The following SLC25A21 variants were observed in gnomAD, a reference collection of about 807,000 sequenced individuals.
SLC25A21 encodes the protein solute carrier family 25 member 21, also known as mitochondrial 2-oxodicarboxylate carrier.
In SLC25A21, 47 loss-of-function variants were observed where a neutral mutation model predicts 43.8. That is an observed-to-expected ratio of 1.07 (90% CI 0.85 to 1.37). The LOEUF (loss-of-function observed/expected upper bound fraction) is 1.37. Ranked by LOEUF, SLC25A21 falls within the 40% of genes most tolerant of loss-of-function variation. The pLI is 0.00. For synonymous variants in SLC25A21, 131 were observed against 121.3 expected, an observed-to-expected ratio of 1.08 and a Z score of -0.52; for missense variants, 352 against 350.2, an observed-to-expected ratio of 1.00 and a Z score of -0.04.
chr14:36,934,528 C>T lies in SLC25A21; in HGVS notation c.71-59524G>A, dbSNP rs114260400. Among the ~76,000 whole-genome samples, 1,095 of 150,910 alleles carry T rather than the reference C, an allele frequency of 7.3e-3. 16 individuals carry two copies. Among genetic ancestry groups the T allele is most frequent in the African/African-American group, 0.025 (1,011 of 41,124 alleles). On this transcript the variant is annotated intron_variant, in intron 1 of 9. Coordinates refer to ENST00000331299, the MANE Select transcript of SLC25A21 (RefSeq NM_030631.4). The stretch of plus-strand genomic sequence containing the variant: ...AATTAACTCTTCATTTATATTAAAG[C>T]TATAAATCACCAGCCACCAAGCACT...
chr14:36,948,284 A>G (rs1892722964), intron 1 of SLC25A21, among the ~76,000 whole-genome samples: 1 of 152,214 alleles, frequency 6.6e-6, no homozygotes, highest in Non-Finnish European at 1.5e-5. Flanking sequence ...AAGTCAGAAA[A>G]CAATAAATTC....
intron 1 of SLC25A21, among the ~76,000 whole-genome samples, chr14:36,963,279 A>G (rs1484442064): frequency 6.6e-6 from 1 of 152,092 alleles, no homozygotes; most frequent in Non-Finnish European, 1.5e-5. Context: ...TTCCTGTTTT[A>G]TTCCCCAAAG....
intron 1 of SLC25A21, among the ~76,000 whole-genome samples, chr14:37,034,627 G>C (rs1487755518): frequency 6.6e-6 from 1 of 152,168 alleles, no homozygotes; most frequent in Non-Finnish European, 1.5e-5. Context: ...TGAGCATCCT[G>C]CATGTCAGCG....
At chr14:37,125,371 C>G (rs924493067) in intron 1 of SLC25A21, among the ~76,000 whole-genome samples, 1 of 152,154 alleles carries the variant, frequency 6.6e-6, no homozygotes, top group Non-Finnish European at 1.5e-5. Context: ...TCCACAAGCC[C>G]CTCGTCTTCC....
At chr14:37,074,894 A>T (rs1371299602) in intron 1 of SLC25A21, among the ~76,000 whole-genome samples, 1 of 152,174 alleles carries the variant, frequency 6.6e-6, no homozygotes, top group Non-Finnish European at 1.5e-5. Flanking sequence ...TGTTTCACTC[A>T]TTCATTACTC....
At chr14:36,945,260 A>AG (rs761852955) in intron 1 of SLC25A21, among the ~76,000 whole-genome samples, 2 of 152,176 alleles carry the variant, frequency 1.3e-5, no homozygotes, top group Non-Finnish European at 2.9e-5. Context: ...CTACAAATGG[A>AG]GGCAGAAATA....
intron 1 of SLC25A21, among the ~76,000 whole-genome samples, chr14:36,995,544 A>T (rs1960353955): frequency 6.6e-6 from 1 of 152,322 alleles, no homozygotes; most frequent in Admixed American, 6.5e-5. Flanking sequence ...ATCTATTAAG[A>T]TTTTACAAAT....
At chr14:36,940,218 G>C (rs1256185706) in intron 1 of SLC25A21, among the ~76,000 whole-genome samples, 2 of 152,012 alleles carry the variant, frequency 1.3e-5, no homozygotes, top group African/African-American at 2.4e-5. Context: ...AACTAAGCTA[G>C]TTTGGAGTTG....
intron 1 of SLC25A21, among the ~76,000 whole-genome samples, chr14:37,080,841 C>A (rs1962372896): frequency 6.6e-6 from 1 of 152,150 alleles, no homozygotes; most frequent in South Asian, 2.1e-4. Flanking sequence ...TTTATGCCAT[C>A]ATTTGCCCTA....
At chr14:36,711,776 A>G (rs1178094270) in intron 6 of SLC25A21, among the ~76,000 whole-genome samples, 1 of 152,240 alleles carries the variant, frequency 6.6e-6, no homozygotes, top group Non-Finnish European at 1.5e-5. Flanking sequence ...CATGTAAGTA[A>G]TTACATCCAA....
intron 3 of SLC25A21, among the ~76,000 whole-genome samples, chr14:36,798,716 G>T (rs1186070247): frequency 6.6e-6 from 1 of 152,054 alleles, no homozygotes; most frequent in African/African-American, 2.4e-5. Flanking sequence ...TTTGTAGCTG[G>T]AATAATGTTG....
At chr14:36,776,182 T>G (rs1157624077) in intron 3 of SLC25A21, among the ~76,000 whole-genome samples, 1 of 151,710 alleles carries the variant, frequency 6.6e-6, no homozygotes, top group Non-Finnish European at 1.5e-5. Context: ...CATCAATTCT[T>G]GAAACTTTGA....
chr14:37,100,177 G>C (rs1226746097), intron 1 of SLC25A21, among the ~76,000 whole-genome samples: 1 of 152,092 alleles, frequency 6.6e-6, no homozygotes, highest in Non-Finnish European at 1.5e-5. Flanking sequence ...TCCAGCCTCA[G>C]CCTCCTGAGT....
chr14:37,159,340 T>C (rs1963901571), intron 1 of SLC25A21, among the ~76,000 whole-genome samples: 2 of 151,994 alleles, frequency 1.3e-5, no homozygotes, highest in Admixed American at 6.6e-5. Flanking sequence ...TGCAAGGCTA[T>C]AGTAACCAAA....
chr14:36,782,916 A>G (rs1162356419), intron 3 of SLC25A21, among the ~76,000 whole-genome samples: 1 of 151,076 alleles, frequency 6.6e-6, no homozygotes, highest in Non-Finnish European at 1.5e-5. Context: ...ACTAACCTGC[A>G]CAATGTGCAC....
intron 1 of SLC25A21, among the ~76,000 whole-genome samples, chr14:36,971,817 A>T (rs1242756228): frequency 6.6e-6 from 1 of 152,162 alleles, no homozygotes; most frequent in African/African-American, 2.4e-5. Flanking sequence ...CTTCTGAGAG[A>T]TTATTTCCTA....
chr14:37,037,590 AT>A (rs33911930), intron 1 of SLC25A21, among the ~76,000 whole-genome samples: 71,150 of 151,558 alleles, frequency 0.47, 19,094 homozygotes, highest in African/African-American at 0.75. Flanking sequence ...TATTTAAAAA[AT>A]TTTTTTCACC....
At chr14:36,922,558 T>C (rs1892011342) in intron 1 of SLC25A21, among the ~76,000 whole-genome samples, 1 of 151,634 alleles carries the variant, frequency 6.6e-6, no homozygotes, top group African/African-American at 2.4e-5. Context: ...TTTTGTTAAA[T>C]TGTTGGCTGC....
intron 1 of SLC25A21, among the ~76,000 whole-genome samples, chr14:36,940,510 A>G (rs1024883255): frequency 1.3e-5 from 2 of 152,084 alleles, no homozygotes; most frequent in African/African-American, 4.8e-5. Context: ...GAAAAAAGTG[A>G]TGTGTTGCCA....
Sources: gnomAD v4.1 joint callset for allele counts (sites outside exome capture counted in the v4.1 genomes callset) on GRCh38, gnomAD v4.1.1 for gene constraint, MANE v1.5 for transcripts, NCBI Gene and HGNC (gene_info 2026-07-23, HGNC 2026-07-21) for gene names.